The following EIF4E3 variants were observed in gnomAD, a reference collection of about 807,000 sequenced individuals.
EIF4E3 encodes eukaryotic translation initiation factor 4E family member 3.
A neutral mutation model predicts 31.7 loss-of-function variants in EIF4E3; 26 were observed. That is an observed-to-expected ratio of 0.82 (90% CI 0.60 to 1.14). The LOEUF (loss-of-function observed/expected upper bound fraction) is 1.14. Ranked by LOEUF, EIF4E3 falls within the 50% of genes most tolerant of loss-of-function variation. The pLI, the probability that EIF4E3 is intolerant of heterozygous loss-of-function variation, is 0.00. For synonymous variants in EIF4E3, 128 were observed against 107.7 expected (o/e 1.19, Z -1.17); for missense variants, 304 against 270.9 (o/e 1.12, Z -0.86).
At chr3:71,718,592 C>A (rs1197913251) in intron 1 of EIF4E3, among the ~76,000 whole-genome samples, 1 of 152,166 alleles carries the variant, frequency 6.6e-6, no homozygotes, top group Non-Finnish European at 1.5e-5. Context: ...TGAACCATTC[C>A]CATGACAGAT....
At chr3:71,737,524 A>G (rs760196482) in intron 1 of EIF4E3, among the ~76,000 whole-genome samples, 5 of 152,076 alleles carry the variant, frequency 3.3e-5, no homozygotes, top group Non-Finnish European at 4.4e-5. Context: ...AAGAATCTCA[A>G]TGAACTCCAA....
chr3:71,708,075 T>A (rs1252958044), intron 2 of EIF4E3, among the ~76,000 whole-genome samples: 1 of 152,064 alleles, frequency 6.6e-6, no homozygotes, highest in Non-Finnish European at 1.5e-5. Context: ...AGTTTCACCT[T>A]GTTGCTCAGG....
chr3:71,729,858 T>C (rs115146803), upstream of EIF4E3, among the ~76,000 whole-genome samples: 905 of 134,098 alleles, frequency 6.7e-3, 10 homozygotes, highest in African/African-American at 0.024. Flanking sequence ...GTTTGTTGAA[T>C]GGGTGGCGGA....
intron 1 of EIF4E3, among the ~76,000 whole-genome samples, chr3:71,715,870 G>C (rs1328614829): frequency 2.0e-5 from 3 of 152,208 alleles, no homozygotes; most frequent in African/African-American, 4.8e-5. Flanking sequence ...TCACAGATTA[G>C]GAAACTGAGG....
At chr3:71,687,517 G>A (rs1311035911) in intron 6 of EIF4E3, among the ~76,000 whole-genome samples, 1 of 152,186 alleles carries the variant, frequency 6.6e-6, no homozygotes, top group Non-Finnish European at 1.5e-5. Context: ...TACAGAAACA[G>A]GAGAGCGGAG....
intron 1 of EIF4E3, among the ~76,000 whole-genome samples, chr3:71,714,291 AAGG>A (rs1197676983): frequency 1.7e-5 from 2 of 119,638 alleles, no homozygotes; most frequent in African/African-American, 6.7e-5. Flanking sequence ...GGAAGGAAGG[AAGG>A]AAGGAAGGAA....
intron 1 of EIF4E3, among the ~76,000 whole-genome samples, chr3:71,721,040 G>A (rs759728026): frequency 2.0e-5 from 3 of 152,152 alleles, no homozygotes; most frequent in Admixed American, 6.5e-5. Context: ...AGAGAATAGA[G>A]AGAAATGAGC....
At chr3:71,675,166 T>G (rs1351735608), downstream of EIF4E3, among the ~76,000 whole-genome samples, 1 of 152,178 alleles carries the variant, frequency 6.6e-6, no homozygotes, top group East Asian at 1.9e-4. Flanking sequence ...GGTAGAAGCA[T>G]TTGCAAACAC....
At chr3:71,729,189 CTCTT>C (rs1486310648), upstream of EIF4E3, 11 of 152,254 alleles carry the variant, frequency 7.2e-5, no homozygotes, top group African/African-American at 2.4e-4. Context: ...GTGGTCCTCT[CTCTT>C]CTACTCACAT....
chr3:71,705,441 CT>C (rs1253951059), intron 2 of EIF4E3, among the ~76,000 whole-genome samples: 4 of 152,156 alleles, frequency 2.6e-5, no homozygotes, highest in African/African-American at 9.7e-5. Context: ...GTTATATATA[CT>C]CTTTAGGAAG....
chr3:71,719,534 T>TG (rs200445586), intron 1 of EIF4E3, among the ~76,000 whole-genome samples: 1 of 143,906 alleles, frequency 6.9e-6, no homozygotes, highest in Non-Finnish European at 1.5e-5. Context: ...ACCTTTCTGA[T>TG]GAAAAAAAAA....
chr3:71,735,407 T>C (rs541515637), intron 1 of EIF4E3, among the ~76,000 whole-genome samples: 20 of 152,288 alleles, frequency 1.3e-4, no homozygotes, highest in Non-Finnish European at 2.2e-4. Flanking sequence ...TCAGATAATA[T>C]AATACCTCCA....
At chr3:71,668,082 G>A in the EIF4E3 span, among the ~76,000 whole-genome samples, 1 of 152,054 alleles carries the variant, frequency 6.6e-6, no homozygotes, top group South Asian at 2.1e-4. Context: ...CAGAACAGAG[G>A]CCTCAGAAAT....
chr3:71,690,989 A>G (rs1347819286), intron 5 of EIF4E3, among the ~76,000 whole-genome samples: 5 of 152,210 alleles, frequency 3.3e-5, no homozygotes, highest in African/African-American at 1.2e-4. Flanking sequence ...ATAGTTGAGA[A>G]CGGCGGATGG....
In EIF4E3 at chr3:71,689,998, T is replaced by C. The variant is rs2049041244; in HGVS notation, c.628+12A>G. On this transcript the variant is annotated intron_variant, in intron 6 of 6. Coordinates refer to ENST00000425534, the MANE Select transcript of EIF4E3 (RefSeq NM_001134651.2). ...TAAGCTAGAAAGTAATAACTGGAAA[T>C]GAAGCACTTACGTTTATAAAATACT... 2 of 1,591,242 alleles carry C rather than the reference T, an allele frequency of 1.3e-6. No homozygotes were observed. The highest frequency in any genetic ancestry group is 2.3e-5 in the East Asian group (1 of 43,904).
chr3:71,754,442 A>G, upstream of EIF4E3: 4 of 1,346,872 alleles, frequency 3.0e-6, no homozygotes, highest in South Asian at 1.7e-5. This position sits in a 1 kb window ranked among gnomAD's most constrained non-coding sequence, Gnocchi z 5.8. Context: ...GCTTCTATGC[A>G]GAGCGCCTGG....
At chr3:71,670,628 T>C (rs2048842860), downstream of EIF4E3, among the ~76,000 whole-genome samples, 2 of 152,234 alleles carry the variant, frequency 1.3e-5, no homozygotes, top group Admixed American at 1.3e-4. Context: ...TGGGGGTCTT[T>C]GTGGAAATTG....
In EIF4E3 at chr3:71,699,598, C is replaced by G; in HGVS notation, c.344+16G>C. ...TTCCTCCCACCTTGACCTTAAATTA[C>G]ACGTTAGACACTTACCAAAGTGGTC... On this transcript the variant is annotated intron_variant, in intron 3 of 6. Coordinates refer to ENST00000425534, the MANE Select transcript of EIF4E3 (RefSeq NM_001134651.2). 6.2e-7 allele frequency: 1 copy of G among 1,608,908 alleles called. No individual in the cohort carries two copies. Among genetic ancestry groups the G allele is most frequent in the Non-Finnish European group, 8.5e-7 (1 of 1,176,184 alleles).
intron 6 of EIF4E3, 86 bp from the exon 7 acceptor site, chr3:71,684,814 T>A: frequency 7.1e-7 from 1 of 1,405,390 alleles, no homozygotes; most frequent in Non-Finnish European, 9.7e-7. Context: ...AGGCATCTCA[T>A]TCAGCTTCCC....
Sources: gnomAD v4.1 joint callset for allele counts (sites outside exome capture counted in the v4.1 genomes callset) on GRCh38, gnomAD v4.1.1 for gene constraint, Gnocchi (gnomAD v3.1) non-coding constraint, MANE v1.5 for transcripts, NCBI Gene and HGNC (gene_info 2026-07-23, HGNC 2026-07-21) for gene names.